SRSF3: variants seen among roughly 807,000 people sequenced by gnomAD.
SRSF3 encodes the protein serine/arginine-rich splicing factor 3.
For missense variants in SRSF3, 58 were observed against 217.1 expected (o/e 0.27, Z 4.61); for synonymous variants, 87 against 73.6 (o/e 1.18, Z -0.93).
chr6:36,596,592 T>A (rs1486195667), intron 1 of SRSF3, among the ~76,000 whole-genome samples, 169 bp from the exon 2 acceptor site: 1 of 127,250 alleles, frequency 7.9e-6, no homozygotes, highest in African/African-American at 3.0e-5. Flanking sequence ...GGGAAATGGG[T>A]GCTTAGCAGT....
In SRSF3 at chr6:36,602,181, C is replaced by G; in HGVS notation, c.*192C>G. ...TCTCTATGGTTTGAAATGGATCATA[C>G]GAGGCATGTAATACCAAGAATTGTT... On this transcript the variant is annotated 3_prime_UTR_variant, in exon 6 of 6. Coordinates refer to ENST00000373715, the MANE Select transcript of SRSF3 (RefSeq NM_003017.5). 8.9e-7 allele frequency: 1 copy of G among 1,125,712 alleles called. No homozygotes were observed. Among genetic ancestry groups the G allele is most frequent in the Non-Finnish European group, 1.2e-6 (1 of 830,448 alleles). The allele number at this position is 1,125,712 out of a possible 1,614,324, so 69.7% of individuals were successfully genotyped here. A position where few individuals can be genotyped will look rare whatever the true frequency, so the allele number is the denominator to read the frequency against.
Position 36,601,943 on chromosome 6 carries a change from T to TTC in SRSF3, c.468-18_468-17insCT, listed in dbSNP as rs1554181330. 4 of 1,114,564 alleles carry TTC rather than the reference T, an allele frequency of 3.6e-6. No individual in the cohort carries two copies. The highest frequency in any genetic ancestry group is 5.8e-5 in the East Asian group (2 of 34,470). The allele number at this position is 1,114,564 out of a possible 1,614,324, so 69.0% of individuals were successfully genotyped here. On this transcript the variant is annotated intron_variant, in intron 5 of 5. Transcript: ENST00000373715. Reference sequence around the variant, plus strand: ...TACAGATGTAATGTTTTGTTTTCTTTTTTTTTTTTTTTTTTTAGTCGATCT... The same window carrying TTC: ...TACAGATGTAATGTTTTGTTTTCTTTTCTTTTTTTTTTTTTTTTAGTCGATCT...
In SRSF3 at chr6:36,602,612, G is replaced by C; in HGVS notation, c.*623G>C. ...GCTGTATATGGATACATGGCTGTTC[G>C]TGACATTCTTTATGTGCAAATTTGT... On this transcript the variant is annotated 3_prime_UTR_variant, in exon 6 of 6. Coordinates refer to ENST00000373715, the MANE Select transcript of SRSF3 (RefSeq NM_003017.5). 4.6e-6 allele frequency: 1 copy of C among 216,294 alleles called. No homozygotes were observed. The allele number at this position is 216,294 out of a possible 1,614,324, so 13.4% of individuals were successfully genotyped here. A position where few individuals can be genotyped will look rare whatever the true frequency, so the allele number is the denominator to read the frequency against.
chr6:36,600,242 C>T (rs1002204483), intron 3 of SRSF3: 1 of 1,047,616 alleles, frequency 9.5e-7, no homozygotes, highest in Non-Finnish European at 1.2e-6. Flanking sequence ...GGCAGCCTCA[C>T]CTCACCATTT....
Position 36,602,276 on chromosome 6 carries a change from A to C in SRSF3, c.*287A>C, listed in dbSNP as rs1478491421. On this transcript the variant is annotated 3_prime_UTR_variant, in exon 6 of 6. Transcript: ENST00000373715. ...TTTAGTTATGCACAGACTGATAATA[A>C]ACCTCTAAACCTGCCCAGCGGAAGT... 3 of 401,532 alleles carry C rather than the reference A, an allele frequency of 7.5e-6. No homozygotes were observed. Among genetic ancestry groups the C allele is most frequent in the Non-Finnish European group, 1.3e-5 (3 of 234,978 alleles). The allele number at this position is 401,532 out of a possible 1,614,324, so 24.9% of individuals were successfully genotyped here. A position where few individuals can be genotyped will look rare whatever the true frequency, so the allele number is the denominator to read the frequency against.
rs1057164816 is a variant in SRSF3 at position 36,602,144 on chromosome 6, C to T, written c.*155C>T. 1 of 1,376,424 alleles carries T rather than the reference C, an allele frequency of 7.3e-7. No homozygotes were observed. The highest frequency in any genetic ancestry group is 9.7e-7 in the Non-Finnish European group (1 of 1,029,234). The allele number at this position is 1,376,424 out of a possible 1,614,324, so 85.3% of individuals were successfully genotyped here. On this transcript the variant is annotated 3_prime_UTR_variant, in exon 6 of 6. Transcript: ENST00000373715. ...CTGTTTGTCTCTTGAAACAGTGACA[C>T]AAAGGTGTAATTCTCTATGGTTTGA...
chr6:36,603,943 A>G lies in SRSF3; in HGVS notation c.*1954A>G. On this transcript the variant is annotated 3_prime_UTR_variant, in exon 6 of 6. Transcript: ENST00000373715. ...GCTAAGAGAAATAATACAGAACCTG[A>G]AATAAAAGTAACTTCACCAGGGAGT... 1 of 230,736 alleles carries G rather than the reference A, an allele frequency of 4.3e-6. No homozygotes were observed. Among genetic ancestry groups the G allele is most frequent in the Non-Finnish European group, 8.6e-6 (1 of 116,570 alleles). 14.3% of individuals were successfully genotyped at this position (230,736 alleles called of 1,614,324 possible). A position where few individuals can be genotyped will look rare whatever the true frequency, so the allele number is the denominator to read the frequency against.
chr6:36,599,134 A>G, intron 3 of SRSF3, 151 bp downstream of exon 3: 1 of 905,494 alleles, frequency 1.1e-6, no homozygotes, highest in Non-Finnish European at 1.6e-6. Flanking sequence ...GGGGTATGTG[A>G]GTTGTGCTGA....
intron 3 of SRSF3, chr6:36,600,431 CT>C: frequency 3.2e-6 from 1 of 309,936 alleles, no homozygotes; most frequent in Non-Finnish European, 4.7e-6. Context: ...TGATAGGGAA[CT>C]CGTAATGTAA....
At chr6:36,601,045 C>G in intron 3 of SRSF3, 107 bp from the exon 4 acceptor site, 6 of 236,944 alleles carry the variant, frequency 2.5e-5, no homozygotes, top group Admixed American at 5.6e-5. Flanking sequence ...GGTGCCAGTT[C>G]TTCGGCACAT....
intron 3 of SRSF3, 160 bp from the exon 4 acceptor site, chr6:36,600,992 C>CTTTTTTTTTTTTTTTTTTTTTTTTTT: frequency 3.0e-6 from 1 of 338,966 alleles, no homozygotes; most frequent in South Asian, 6.9e-5. Context: ...TTTTTCTTTT[C>CTTTTTTTTTTTTTTTTTTTTTTTTTT]TTTTTTTTCT....
At chr6:36,600,082 A>G in intron 3 of SRSF3, 8 of 1,179,824 alleles carry the variant, frequency 6.8e-6, no homozygotes, top group South Asian at 1.6e-5. Flanking sequence ...TCAGCTGTTT[A>G]TTTACCAAAT....
intron 4 of SRSF3, 78 bp from the exon 5 acceptor site, chr6:36,601,630 C>CA: frequency 1.5e-6 from 2 of 1,324,834 alleles, no homozygotes; most frequent in Non-Finnish European, 2.1e-6. Context: ...TGGCATGAGT[C>CA]ACCATGCCAG....
At chr6:36,596,204 T>A (rs781518540) in intron 1 of SRSF3, among the ~76,000 whole-genome samples, 2 of 152,166 alleles carry the variant, frequency 1.3e-5, no homozygotes, top group Non-Finnish European at 2.9e-5. Flanking sequence ...ATTGCAGGTG[T>A]GAGCCGCCGC....
intron 3 of SRSF3, chr6:36,600,402 C>T: frequency 1.9e-6 from 1 of 524,452 alleles, no homozygotes; most frequent in East Asian, 1.5e-4. Context: ...ATATATATTG[C>T]TTGAAAAACT....
chr6:36,595,336 A>G (rs1255060790), intron 1 of SRSF3, among the ~76,000 whole-genome samples: 1 of 152,252 alleles, frequency 6.6e-6, no homozygotes, highest in Non-Finnish European at 1.5e-5. Flanking sequence ...TAAATTTTTT[A>G]GTAGCAAATA....
At position 36,602,046 on chromosome 6, in the gene SRSF3, GTACAGAAAATTCAAGT is replaced by G; in HGVS notation, c.*59_*74del. ...AAATTACTTCATTTGACAGGAGTAT[GTACAGAAAATTCAAGT>G]TTTGTTTGAGACTTCATAAGCTTGG... On this transcript the variant is annotated 3_prime_UTR_variant, in exon 6 of 6. Transcript: ENST00000373715. 2 of 1,559,534 alleles carry G rather than the reference GTACAGAAAATTCAAGT, an allele frequency of 1.3e-6. No homozygotes were observed. Among genetic ancestry groups the G allele is most frequent in the Non-Finnish European group, 8.6e-7 (1 of 1,162,582 alleles).
At position 36,601,791 on chromosome 6, in the gene SRSF3, G is replaced by C; in HGVS notation, c.464G>C (p.Arg155Pro). The C allele has an allele frequency of 6.2e-7, 1 of 1,608,134 alleles. No individual in the cohort carries two copies. Residue 155 changes from arginine to proline, a missense_variant, in exon 5 of 6, where the codon CGT (arginine) becomes CCT (proline). Transcript: ENST00000373715. ...HKPSRSFSRS[R>P]SRSRSNERK ...CCGTCCCGATCCTTCTCTAGGTCTC[G>C]TAGGTAAGATCTTTGATAACTTGTA...
At chr6:36,597,061 T>G in intron 2 of SRSF3, 93 bp downstream of exon 2, 1 of 892,164 alleles carries the variant, frequency 1.1e-6, no homozygotes, top group Non-Finnish European at 1.8e-6. Context: ...GCTTTCCCAA[T>G]CACTGGCCAA....
Sources: allele counts gnomAD v4.1 joint callset (sites outside exome capture counted in the v4.1 genomes callset), GRCh38; gene constraint gnomAD v4.1.1; transcripts MANE v1.5; gene names NCBI Gene and HGNC (gene_info 2026-07-23, HGNC 2026-07-21).